NME8: variants seen among roughly 807,000 people sequenced by gnomAD.
NME8 encodes the protein NME/NM23 family member 8.
NME8 carries 72 observed loss-of-function variants against 82.3 expected under a neutral mutation model. The ratio of observed to expected loss-of-function variants is 0.87; its 90% confidence interval spans 0.72 to 1.06. The LOEUF is 1.06. Ranked by LOEUF, NME8 falls within the 50% of genes least tolerant of loss-of-function variation. The pLI is 0.00. For missense variants in NME8, 712 were observed against 685.4 expected, an observed-to-expected ratio of 1.04 and a Z score of -0.43; for synonymous variants, 267 against 228.5, an observed-to-expected ratio of 1.17 and a Z score of -1.52.
At chr7:37,875,340 T>C (rs530800524) in intron 11 of NME8, among the ~76,000 whole-genome samples, 1 of 152,202 alleles carries the variant, frequency 6.6e-6, no homozygotes, top group African/African-American at 2.4e-5. Flanking sequence ...TAATATTTCC[T>C]GAAGTATTTA....
intron 17 of NME8, among the ~76,000 whole-genome samples, chr7:37,898,205 C>T (rs780088425): frequency 6.6e-5 from 10 of 152,156 alleles, no homozygotes; most frequent in Non-Finnish European, 1.2e-4. Flanking sequence ...GCCAAAGTTT[C>T]AGTGTACAGT....
In NME8 at chr7:37,865,612, G is replaced by T; in HGVS notation, c.616G>T (p.Asp206Tyr). The change falls in exon 10 of 18, where the codon GAC becomes TAC. Residue 206 changes from aspartate (D) to tyrosine (Y), a missense_variant. Coordinates refer to ENST00000199447, the MANE Select transcript of NME8 (RefSeq NM_016616.5). ...QVVNFYSRIA[D>Y]QCDFEEFVSF... Reference sequence around the variant, plus strand: ...TGTCAACTTCTATAGTCGAATAGCAGACCAGGTATGAAAGTTAAAAAGAAA... The same window carrying T: ...TGTCAACTTCTATAGTCGAATAGCATACCAGGTATGAAAGTTAAAAAGAAA... 1.2e-6 allele frequency: 2 copies of T among 1,605,710 alleles called. No homozygotes were observed. The highest frequency in any genetic ancestry group is 2.2e-5 in the South Asian group (2 of 90,876).
rs1165777713 is a variant in NME8 at position 37,848,666 on chromosome 7, C to T, written c.-303C>T. 6.6e-6 allele frequency: 1 copy of T among 152,308 alleles called. No individual in the cohort carries two copies. The allele number at this position is 152,308 out of a possible 1,614,324, so 9.4% of individuals were successfully genotyped here. A position where few individuals can be genotyped will look rare whatever the true frequency, so the allele number is the denominator to read the frequency against. ...TGGAACCAGGACTTCGTTGTTCCTT[C>T]ATTGTGTGGGCAGAAGAGGTGGAGG... On this transcript the variant is annotated 5_prime_UTR_variant, in exon 1 of 18. Coordinates refer to ENST00000199447, the MANE Select transcript of NME8 (RefSeq NM_016616.5).
intron 14 of NME8, among the ~76,000 whole-genome samples, chr7:37,886,870 A>T (rs1191340991): frequency 6.6e-6 from 1 of 151,786 alleles, no homozygotes; most frequent in Non-Finnish European, 1.5e-5. Context: ...GGCAAAAAAA[A>T]AACAAAAACA....
chr7:37,854,754 G>T (rs1311201106), intron 5 of NME8, among the ~76,000 whole-genome samples: 2 of 151,980 alleles, frequency 1.3e-5, no homozygotes, highest in Non-Finnish European at 2.9e-5. Context: ...CTCTGGTGTG[G>T]TGTCTCTCAG....
chr7:37,878,635 A>G (rs1055070258), intron 12 of NME8, among the ~76,000 whole-genome samples: 1 of 152,198 alleles, frequency 6.6e-6, no homozygotes, highest in Non-Finnish European at 1.5e-5. Context: ...GTCTTTTAAT[A>G]TTTAAAAAAG....
At chr7:37,867,989 T>C (rs1175419605) in intron 11 of NME8, 91 bp downstream of exon 11, 3 of 1,024,528 alleles carry the variant, frequency 2.9e-6, no homozygotes, top group East Asian at 2.6e-5. Context: ...AGGGCAAATG[T>C]TTTTATGTTA....
At chr7:37,864,535 G>A (rs1252891160) in intron 9 of NME8, 114 bp downstream of exon 9, 5 of 1,103,278 alleles carry the variant, frequency 4.5e-6, no homozygotes, top group Admixed American at 4.8e-5. Context: ...TGCACTACTG[G>A]TGCTAGGTAC....
chr7:37,865,798 C>T (rs988384659), intron 10 of NME8, among the ~76,000 whole-genome samples, 181 bp downstream of exon 10: 10 of 152,214 alleles, frequency 6.6e-5, no homozygotes, highest in Middle Eastern at 3.4e-3. Context: ...AAAAAATCTT[C>T]GGTAGAAATA....
At chr7:37,860,740 C>T (rs934191375) in intron 6 of NME8, among the ~76,000 whole-genome samples, 20 of 152,160 alleles carry the variant, frequency 1.3e-4, no homozygotes, top group Admixed American at 3.9e-4. Flanking sequence ...GGGGTCTAGG[C>T]ATCTCCTATT....
chr7:37,875,562 C>G, intron 11 of NME8, among the ~76,000 whole-genome samples: 1 of 151,032 alleles, frequency 6.6e-6, no homozygotes, highest in East Asian at 1.9e-4. Context: ...TGCAACTTTT[C>G]TATTAATTTA....
intron 11 of NME8, among the ~76,000 whole-genome samples, chr7:37,873,734 A>G (rs1213017021): frequency 2.0e-5 from 3 of 152,258 alleles, no homozygotes; most frequent in Non-Finnish European, 4.4e-5. Context: ...CACCATGTAC[A>G]GCACACTACT....
intron 15 of NME8, among the ~76,000 whole-genome samples, chr7:37,893,343 C>T (rs1259064240): frequency 1.3e-5 from 2 of 152,242 alleles, no homozygotes; most frequent in African/African-American, 4.8e-5. Flanking sequence ...AGGAAATTAT[C>T]GTTTTAGAGC....
At chr7:37,860,691 A>C (rs1001259078) in intron 6 of NME8, among the ~76,000 whole-genome samples, 1 of 152,176 alleles carries the variant, frequency 6.6e-6, no homozygotes, top group Admixed American at 6.5e-5. Context: ...TTACATCTTC[A>C]GCTGAATGCT....
chr7:37,865,901 C>T (rs1038858126), intron 10 of NME8, among the ~76,000 whole-genome samples: 1 of 152,088 alleles, frequency 6.6e-6, no homozygotes, highest in African/African-American at 2.4e-5. Flanking sequence ...TGCATCAGTC[C>T]TCTGGAAGTG....
rs371342890 is a variant in NME8 at position 37,863,457 on chromosome 7, G to C, written c.449G>C (p.Ser150Thr). 6.9e-6 allele frequency: 11 copies of C among 1,585,202 alleles called. No individual in the cohort carries two copies. The South Asian group carries it at 1.2e-4, about 18-fold the overall frequency. Residue 150 changes from serine (S) to threonine (T), a missense_variant, in exon 8 of 18, where the codon AGT becomes ACT. Transcript: ENST00000199447. ...GTTAGTGAAGAATCACCATGTGAAA[G>C]TGTTCGTAAGTAAATTTACTTCAAA... ...SEVSEESPCE[S>T]VQELYSIAII... is the part of the protein sequence containing the mutation.
chr7:37,879,398 C>T (rs952886897), intron 12 of NME8, among the ~76,000 whole-genome samples: 4 of 151,946 alleles, frequency 2.6e-5, no homozygotes, highest in African/African-American at 4.8e-5. Flanking sequence ...CCACCTGCCT[C>T]GCCTCCCAAA....
intron 6 of NME8, among the ~76,000 whole-genome samples, chr7:37,859,158 C>T (rs1480905736): frequency 6.6e-6 from 1 of 152,196 alleles, no homozygotes; most frequent in Non-Finnish European, 1.5e-5. Flanking sequence ...ACAAAACAGA[C>T]TAATCGGGCC....
intron 12 of NME8, among the ~76,000 whole-genome samples, chr7:37,882,593 AAGAAAGAGAGAGAGAGAGAGAG>A (rs1481970581): frequency 5.6e-4 from 29 of 51,858 alleles, no homozygotes; most frequent in East Asian, 4.8e-3. Context: ...GAAAGAAAGA[AAGAAAGAGAGAGAGAGAGAGAG>A]AAAGAAAGAA....
Sources: gnomAD v4.1 joint callset for allele counts (sites outside exome capture counted in the v4.1 genomes callset) on GRCh38, gnomAD v4.1.1 for gene constraint, MANE v1.5 for transcripts, NCBI Gene and HGNC (gene_info 2026-07-23, HGNC 2026-07-21) for gene names.